Variants in MLYCD observed in about 807,000 individuals in gnomAD.
MLYCD encodes the protein malonyl-CoA decarboxylase, mitochondrial.
In MLYCD, 27 loss-of-function variants were observed where a neutral mutation model predicts 35.8. The ratio of observed to expected loss-of-function variants is 0.75; its 90% CI spans 0.56 to 1.04. The LOEUF (loss-of-function observed/expected upper bound fraction) is 1.04, where lower values mean the gene tolerates loss of function less well. Among genes scored for constraint, MLYCD ranks in the 50% least tolerant of loss-of-function variants. The pLI, the probability that MLYCD is intolerant of heterozygous loss-of-function variation, is 0.00. For missense variants in MLYCD, 917 were observed against 665.1 expected (o/e 1.38, Z -4.17); for synonymous variants, 403 against 302.4 (o/e 1.33, Z -3.45).
intron 1 of MLYCD, among the ~76,000 whole-genome samples, chr16:83,904,105 T>C (rs997326285): frequency 7.2e-5 from 11 of 152,160 alleles, no homozygotes; most frequent in African/African-American, 2.7e-4. Context: ...AAGAGATCTG[T>C]AGGGGAGGAG....
At chr16:83,909,386 G>A (rs934472422) in intron 3 of MLYCD, among the ~76,000 whole-genome samples, 6 of 152,144 alleles carry the variant, frequency 3.9e-5, no homozygotes, top group Admixed American at 2.6e-4. Context: ...GCGCGGCCTC[G>A]TGTACATCAG....
chr16:83,904,825 T>C (rs1323824518), intron 1 of MLYCD, among the ~76,000 whole-genome samples: 1 of 152,180 alleles, frequency 6.6e-6, no homozygotes, highest in Non-Finnish European at 1.5e-5. Context: ...TGTGGACAGC[T>C]CCAGCTATTC....
chr16:83,908,187 A>G lies in MLYCD; in HGVS notation c.703A>G (p.Arg235Gly), dbSNP rs369427189. ...CATGAAGCGCCGCGTTGGGCCCTAC[A>G]GAAGGTGTTACTTCTTTTCTCACTG... ...MDMKRRVGPY[R>G]RCYFFSHCST... is the part of the protein sequence containing the mutation. Residue 235 changes from arginine to glycine, a missense_variant, in exon 3 of 5, where the codon AGA (arginine) becomes GGA (glycine). Transcript: ENST00000262430. The G allele has an allele frequency of 9.2e-5, 149 of 1,614,132 alleles. No homozygotes were observed. The highest frequency in any genetic ancestry group is 1.5e-4 in the Admixed American group (9 of 60,010).
At chr16:83,900,566 C>T (rs964270034) in intron 1 of MLYCD, among the ~76,000 whole-genome samples, 1 of 151,388 alleles carries the variant, frequency 6.6e-6, no homozygotes, top group Non-Finnish European at 1.5e-5. Context: ...CAGGTGCAGG[C>T]CACCATGCCC....
At position 83,919,295 on chromosome 16, in the gene MLYCD, T is replaced by TCACACGGTGCACAGCAGAATG. The variant is rs1907560082; in HGVS notation, c.*3811_*3812insGGTGCACAGCAGAATGCACAC. 9.0e-6 allele frequency: 1 copy of TCACACGGTGCACAGCAGAATG among 110,616 alleles called. No homozygotes were observed. The highest frequency in any genetic ancestry group is 3.7e-5 in the African/African-American group (1 of 27,120). The allele number at this position is 110,616 out of a possible 1,614,324, so 6.9% of individuals were successfully genotyped here. On this transcript the variant is annotated 3_prime_UTR_variant, in exon 5 of 5. Coordinates refer to ENST00000262430, the MANE Select transcript of MLYCD (RefSeq NM_012213.3). Reference sequence around the variant, plus strand: ...GAATACACATGGTGCACAGCAGAATTCACACAGTGCACAGGAGAACACACA... The same window carrying TCACACGGTGCACAGCAGAATG: ...GAATACACATGGTGCACAGCAGAATTCACACGGTGCACAGCAGAATGCACACAGTGCACAGGAGAACACACA...
chr16:83,913,289 G>A (rs953038892), intron 4 of MLYCD: 1 of 152,246 alleles, frequency 6.6e-6, no homozygotes, highest in Non-Finnish European at 1.5e-5. Context: ...CATTCCCACA[G>A]TTTCCTCATT....
chr16:83,900,010 A>T (rs1194546086), intron 1 of MLYCD, among the ~76,000 whole-genome samples: 1 of 152,164 alleles, frequency 6.6e-6, no homozygotes, highest in Non-Finnish European at 1.5e-5. Context: ...TGTAGCTGAG[A>T]AGTGTTTCAT....
At chr16:83,906,623 C>T (rs1346681616) in intron 1 of MLYCD, among the ~76,000 whole-genome samples, 2 of 152,164 alleles carry the variant, frequency 1.3e-5, no homozygotes, top group Admixed American at 1.3e-4. Flanking sequence ...CTTAGTGTTT[C>T]CCTTACAGTG....
At position 83,922,663 on chromosome 16, in the gene MLYCD, G is replaced by T. The variant is rs1271155694; in HGVS notation, c.*7174G>T. 1 of 152,284 alleles carries T rather than the reference G, an allele frequency of 6.6e-6. No homozygotes were observed. Among genetic ancestry groups the T allele is most frequent in the East Asian group, 1.9e-4 (1 of 5,204 alleles). 9.4% of individuals were successfully genotyped at this position (152,284 alleles called of 1,614,324 possible). A position where few individuals can be genotyped will look rare whatever the true frequency, so the allele number is the denominator to read the frequency against. On this transcript the variant is annotated 3_prime_UTR_variant, in exon 5 of 5. Coordinates refer to ENST00000262430, the MANE Select transcript of MLYCD (RefSeq NM_012213.3). ...ACAGCCTGCTGAGAGGCTCAAAGGA[G>T]ACGATGTATATAAAGCAGTTAACTG...
rs369489145 is a variant in MLYCD, at chr16:83,919,711, GAGAACACACAGTGCAC to G, written c.*4248_*4263del. 7,135 of 145,464 alleles carry G rather than the reference GAGAACACACAGTGCAC, an allele frequency of 0.049. 518 individuals are homozygous for G. Among genetic ancestry groups the G allele is most frequent in the African/African-American group, 0.16 (6,130 of 38,094 alleles). 9.0% of individuals were successfully genotyped at this position (145,464 alleles called of 1,614,324 possible). A position where few individuals can be genotyped will look rare whatever the true frequency, so the allele number is the denominator to read the frequency against. On this transcript the variant is annotated 3_prime_UTR_variant, in exon 5 of 5. Transcript: ENST00000262430. ...AGTGCACAGAACACACGGGGCACAGGAGAACACACAGTGCACAGAACACACAGTGCACAGAACACAC... is the reference window on the plus strand; with the variant it reads ...AGTGCACAGAACACACGGGGCACAGGAGAACACACAGTGCACAGAACACAC...
chr16:83,920,556 C>G lies in MLYCD; in HGVS notation c.*5067C>G, dbSNP rs1018862267. On this transcript the variant is annotated 3_prime_UTR_variant, in exon 5 of 5. Transcript: ENST00000262430. ...TCCTGCCCTCGAATCTGCAAGGTCT[C>G]TCCGGGTGGCTGTGTTCTGCCAGGG... The G allele has an allele frequency of 2.6e-5, 4 of 152,308 alleles. No homozygotes were observed. Among genetic ancestry groups the G allele is most frequent in the African/African-American group, 9.7e-5 (4 of 41,420 alleles). 9.4% of individuals were successfully genotyped at this position (152,308 alleles called of 1,614,324 possible).
intron 2 of MLYCD, among the ~76,000 whole-genome samples, chr16:83,907,861 A>T (rs918074983): frequency 6.6e-6 from 1 of 152,180 alleles, no homozygotes; most frequent in African/African-American, 2.4e-5. Flanking sequence ...ATCTGCATGA[A>T]TCCTTCCCCG....
At chr16:83,904,275 T>C (rs941882763) in intron 1 of MLYCD, among the ~76,000 whole-genome samples, 1 of 152,204 alleles carries the variant, frequency 6.6e-6, no homozygotes. Context: ...GAAGCCCTCC[T>C]GGCCCCTGGG....
chr16:83,899,143 C>T lies in MLYCD; in HGVS notation c.-2C>T, dbSNP rs1567630153. 2.6e-6 allele frequency: 3 copies of T among 1,136,834 alleles called. No individual in the cohort carries two copies. The highest frequency in any genetic ancestry group is 2.1e-6 in the Non-Finnish European group (2 of 930,344). 70.4% of individuals were successfully genotyped at this position (1,136,834 alleles called of 1,614,324 possible). ...CCCCCTCGGCAGCTGTTGTGGGGCACCATGCGAGGCTTCGGGCCAGGCTTG... is the reference window on the plus strand; with the variant it reads ...CCCCCTCGGCAGCTGTTGTGGGGCATCATGCGAGGCTTCGGGCCAGGCTTG... On this transcript the variant is annotated 5_prime_UTR_variant, in exon 1 of 5. Transcript: ENST00000262430.
Position 83,912,231 on chromosome 16 carries a change from A to G in MLYCD, c.812A>G (p.Glu271Gly). 1 of 1,614,180 alleles carries G rather than the reference A, an allele frequency of 6.2e-7. No individual in the cohort carries two copies. The highest frequency in any genetic ancestry group is 8.5e-7 in the Non-Finnish European group (1 of 1,180,034). The change falls in exon 4 of 5, where the codon GAA (glutamate) becomes GGA (glycine). Residue 271 changes from glutamate to glycine, a missense_variant. Physicochemically the swap from Glu to Gly is moderately conservative, Grantham distance 98. Transcript: ENST00000262430. ...GGTGTTTTCCAGGCAATCGTGAAGG[A>G]ACATCCTCCATCAGAAACAGAAGAG... ...ISSNIQAIVK[E>G]HPPSETEEKN...
chr16:83,899,290 C>T lies in MLYCD; in HGVS notation c.146C>T (p.Pro49Leu), dbSNP rs1228709643. ...GACGAGCTGCTGCGCCGCGCGGTGC[C>T]GCCGACGCCGGCCTACGAGCTGCGC... ...AMDELLRRAV[P>L]PTPAYELREK... Residue 49 changes from proline (P) to leucine (L), a missense_variant, in exon 1 of 5, where the codon CCG becomes CTG. Pro to Leu is a moderately conservative substitution (Grantham distance 98). Transcript: ENST00000262430. 6.8e-6 allele frequency: 10 copies of T among 1,478,508 alleles called. No homozygotes were observed. The highest frequency in any genetic ancestry group is 2.3e-4 in the Middle Eastern group (1 of 4,428). 91.6% of individuals were successfully genotyped at this position (1,478,508 alleles called of 1,614,324 possible). A position where few individuals can be genotyped will look rare whatever the true frequency, so the allele number is the denominator to read the frequency against.
At chr16:83,909,001 G>T (rs2151057466) in intron 3 of MLYCD, among the ~76,000 whole-genome samples, 1 of 152,312 alleles carries the variant, frequency 6.6e-6, no homozygotes, top group Admixed American at 6.5e-5. Flanking sequence ...CAAGATGAGT[G>T]CCCTAAGCAG....
At chr16:83,902,345 G>A (rs1372119233) in intron 1 of MLYCD, among the ~76,000 whole-genome samples, 1 of 150,830 alleles carries the variant, frequency 6.6e-6, no homozygotes, top group East Asian at 2.0e-4. Context: ...AGATAGGTGT[G>A]AGCCCAGATG....
At position 83,919,172 on chromosome 16, in the gene MLYCD, CGG is replaced by C; in HGVS notation, c.*3684_*3685del. ...AACACAGTGCACAGGAGAATACACA[CGG>C]TGCACAGGAGAATTCACACACAATG... On this transcript the variant is annotated 3_prime_UTR_variant, in exon 5 of 5. Transcript: ENST00000262430. The C allele has an allele frequency of 6.8e-6, 1 of 146,400 alleles. No individual in the cohort carries two copies. The highest frequency in any genetic ancestry group is 2.1e-4 in the East Asian group (1 of 4,748). 9.1% of individuals were successfully genotyped at this position (146,400 alleles called of 1,614,324 possible).
Sources: allele counts gnomAD v4.1 joint callset (sites outside exome capture counted in the v4.1 genomes callset), GRCh38; gene constraint gnomAD v4.1.1; transcripts MANE v1.5; gene names NCBI Gene and HGNC (gene_info 2026-07-23, HGNC 2026-07-21).